Variants in POMZP3 observed in about 807,000 individuals in gnomAD.
POMZP3 encodes the protein POM121 and ZP3 fusion, also known as POM121 and ZP3 fusion protein.
A neutral mutation model predicts 19.8 loss-of-function variants in POMZP3; 10 were observed. The ratio of observed to expected loss-of-function variants is 0.51; its 90% CI spans 0.31 to 0.86. POMZP3 has a LOEUF of 0.86. POMZP3 is among the 40% of genes least tolerant of loss of function. POMZP3 has a pLI of 0.04. For synonymous variants in POMZP3, 57 were observed against 85.8 expected (o/e 0.66, Z 1.85); for missense variants, 152 against 228.1 (o/e 0.67, Z 2.15).
Position 76,611,495 on chromosome 7 carries a change from C to T in POMZP3, c.534G>A (p.Val178=), listed in dbSNP as rs570484973. 4 of 1,604,444 alleles carry T rather than the reference C, an allele frequency of 2.5e-6. No individual in the cohort carries two copies. Among genetic ancestry groups the T allele is most frequent in the Non-Finnish European group, 8.5e-7 (1 of 1,172,134 alleles). Residue 178 remains valine (V), a synonymous_variant, in exon 6 of 7, where the codon GTG becomes GTA. Coordinates refer to ENST00000310842, the MANE Select transcript of POMZP3 (RefSeq NM_012230.5). ...PSHSRRQPRV[V]SQWSTSASL is the part of the protein sequence containing the mutation. ...GGGAAGCAGACGTGGACCACTGGCT[C>T]ACGACACGAGGCTGCCTCCTGGAAT...
chr7:76,612,922 G>GTTT (rs1370049293), intron 4 of POMZP3, among the ~76,000 whole-genome samples: 1 of 68,366 alleles, frequency 1.5e-5, no homozygotes, highest in Non-Finnish European at 2.7e-5. Context: ...TTTTTTTTTT[G>GTTT]TTTTTTTTTT....
chr7:76,626,647 A>G, intron 1 of POMZP3, 61 bp downstream of exon 1: 1 of 1,349,316 alleles, frequency 7.4e-7, no homozygotes, highest in African/African-American at 1.6e-5. Context: ...TCGGATTTAA[A>G]AGTCCTCGAT....
chr7:76,624,750 A>G (rs1277375640), intron 3 of POMZP3, among the ~76,000 whole-genome samples: 2 of 151,066 alleles, frequency 1.3e-5, no homozygotes, highest in African/African-American at 2.4e-5. Context: ...CCTTCCAGGA[A>G]ATTGGTTTTA....
chr7:76,622,656 G>T (rs113190427), intron 3 of POMZP3, among the ~76,000 whole-genome samples: 2 of 151,572 alleles, frequency 1.3e-5, no homozygotes, highest in East Asian at 1.9e-4. Flanking sequence ...GAGCCACTGC[G>T]TCTGGCCCAT....
In POMZP3 at chr7:76,626,089, A is replaced by G; in HGVS notation, c.-25T>C. The G allele has an allele frequency of 6.2e-7, 1 of 1,613,826 alleles. No homozygotes were observed. The highest frequency in any genetic ancestry group is 8.5e-7 in the Non-Finnish European group (1 of 1,179,758). ...TCCTGGAGTTGCGAGGGGACAGCAC[A>G]GCCTTCTTGTGATAACCATTCCAGC... On this transcript the variant is annotated 5_prime_UTR_variant, in exon 2 of 7. Coordinates refer to ENST00000310842, the MANE Select transcript of POMZP3 (RefSeq NM_012230.5).
intron 3 of POMZP3, among the ~76,000 whole-genome samples, chr7:76,623,714 C>G (rs1320130740): frequency 6.6e-6 from 1 of 150,772 alleles, no homozygotes; most frequent in Non-Finnish European, 1.5e-5. Flanking sequence ...GCAGGAGAAT[C>G]TCTCAAAACC....
In POMZP3 at chr7:76,621,889, G is replaced by A. The variant is rs1437451956; in HGVS notation, c.228-3589C>T. On this transcript the variant is annotated intron_variant, in intron 3 of 6. Coordinates refer to ENST00000310842, the MANE Select transcript of POMZP3 (RefSeq NM_012230.5). ...CGGGAGGCGGAGCTTGCAGTGAGCC[G>A]AGATAGCGCTACTGCACTCCAGCCT... is the stretch of plus-strand genomic sequence containing the variant. Among the ~76,000 whole-genome samples the A allele has an allele frequency of 6.3e-5, 8 of 127,140 alleles. No individual in the cohort carries two copies. In the East Asian group the frequency reaches 1.6e-3, roughly 25 times the overall value. The allele number at this position is 127,140 out of a possible 152,430, so 83.4% of individuals were successfully genotyped here. A position where few individuals can be genotyped will look rare whatever the true frequency, so the allele number is the denominator to read the frequency against.
Position 76,627,141 on chromosome 7 carries a change from C to CA in POMZP3, c.-586dup, listed in dbSNP as rs1815951921. 1 of 1,444,188 alleles carries CA rather than the reference C, an allele frequency of 6.9e-7. No individual in the cohort carries two copies. Among genetic ancestry groups the CA allele is most frequent in the Admixed American group, 2.3e-5 (1 of 44,028 alleles). The allele number at this position is 1,444,188 out of a possible 1,614,324, so 89.5% of individuals were successfully genotyped here. A position where few individuals can be genotyped will look rare whatever the true frequency, so the allele number is the denominator to read the frequency against. On this transcript the variant is annotated 5_prime_UTR_variant, in exon 1 of 7. It introduces an in-frame stop codon into an upstream open reading frame of the 5' UTR. Transcript: ENST00000310842. Reference sequence around the variant, plus strand: ...GCGCAGCCGCAGCAGGCACGAGGTACAGTAGGAGGCCGACCAGCGACAGGC... The same window carrying CA: ...GCGCAGCCGCAGCAGGCACGAGGTACAAGTAGGAGGCCGACCAGCGACAGGC...
intron 3 of POMZP3, among the ~76,000 whole-genome samples, chr7:76,624,124 G>A (rs1001181895): frequency 1.1e-5 from 1 of 92,030 alleles, no homozygotes; most frequent in Non-Finnish European, 2.2e-5. Flanking sequence ...CTGTCCTAAA[G>A]TAGATTGCTA....
At chr7:76,613,335 C>G (rs1815179603) in intron 4 of POMZP3, among the ~76,000 whole-genome samples, 1 of 94,432 alleles carries the variant, frequency 1.1e-5, no homozygotes, top group African/African-American at 3.9e-5. Context: ...GATATGACGA[C>G]CAGAAGACTC....
chr7:76,618,540 G>T (rs543089690), intron 3 of POMZP3: 29 of 538,830 alleles, frequency 5.4e-5, no homozygotes, highest in Middle Eastern at 5.4e-4. Flanking sequence ...AGAATCGCTT[G>T]AATCTGGGAG....
chr7:76,622,409 C>T (rs1221522150), intron 3 of POMZP3, among the ~76,000 whole-genome samples: 4 of 115,652 alleles, frequency 3.5e-5, no homozygotes, highest in Admixed American at 1.8e-4. Context: ...GATGGAGTCT[C>T]GCTCTGTCAC....
intron 3 of POMZP3, among the ~76,000 whole-genome samples, chr7:76,624,265 T>C (rs1815731801): frequency 6.9e-6 from 1 of 144,844 alleles, no homozygotes; most frequent in South Asian, 2.3e-4. Flanking sequence ...TATAAGATTT[T>C]CGGCCAGGCG....
intron 3 of POMZP3, among the ~76,000 whole-genome samples, chr7:76,619,711 C>G (rs1487120328): frequency 2.2e-5 from 3 of 139,386 alleles, no homozygotes; most frequent in African/African-American, 8.5e-5. Flanking sequence ...TGACTGTTGG[C>G]CACAAAATGG....
chr7:76,620,612 C>T (rs1375320965), intron 3 of POMZP3, among the ~76,000 whole-genome samples: 4 of 151,616 alleles, frequency 2.6e-5, no homozygotes, highest in South Asian at 2.1e-4. Context: ...AGACTACAGG[C>T]GTGTCCCACC....
In POMZP3 at chr7:76,614,624, C is replaced by G. The variant is rs1365957117; in HGVS notation, c.346-2811G>C. ...CTCACGCCTGTAATCCCAGCACTTG[C>G]TGAGGCAGGTGGATCACCTGAGGTC... On this transcript the variant is annotated intron_variant, in intron 4 of 6. Transcript: ENST00000310842. Among the ~76,000 whole-genome samples the G allele has an allele frequency of 8.4e-5, 7 of 83,252 alleles. 2 individuals carry two copies. The highest frequency in any genetic ancestry group is 8.2e-4 in the Admixed American group (7 of 8,548). The allele number at this position is 83,252 out of a possible 152,430, so 54.6% of individuals were successfully genotyped here.
chr7:76,625,880 A>C, intron 2 of POMZP3, 120 bp downstream of exon 2: 1 of 1,478,876 alleles, frequency 6.8e-7, no homozygotes, highest in Non-Finnish European at 9.2e-7. Context: ...GGTATTTCTC[A>C]TTCAAACAAG....
In POMZP3 at chr7:76,611,445, A is replaced by G. The variant is rs73705106; in HGVS notation, c.*11+9T>C. 0.011 allele frequency: 17,148 copies of G among 1,544,940 alleles called. 1,233 individuals are homozygous for G. The African/African-American group carries it at 0.23, about 21-fold the overall frequency. On this transcript the variant is annotated intron_variant, in intron 6 of 6. Coordinates refer to ENST00000310842, the MANE Select transcript of POMZP3 (RefSeq NM_012230.5). ...CAATGAACAGCCTCTTGGCCATTCT[A>G]TGACATACCATGCCTGCGGTTACAG... is the stretch of plus-strand genomic sequence containing the variant.
At chr7:76,610,309 A>G in intron 6 of POMZP3, 94 bp from the exon 7 acceptor site, 1 of 1,166,754 alleles carries the variant, frequency 8.6e-7, no homozygotes, top group Non-Finnish European at 1.3e-6. Flanking sequence ...CTAAACTAAT[A>G]TGTTGTCTTT....
Sources: allele counts gnomAD v4.1 joint callset (sites outside exome capture counted in the v4.1 genomes callset), GRCh38; gene constraint gnomAD v4.1.1; transcripts MANE v1.5; gene names NCBI Gene and HGNC (gene_info 2026-07-23, HGNC 2026-07-21).